FHIT: variants seen among roughly 807,000 people sequenced by gnomAD.
FHIT encodes the protein bis(5'-adenosyl)-triphosphatase.
Under a neutral mutation model 17.9 loss-of-function variants are expected in FHIT, and 19 were observed. The observed-to-expected ratio is 1.06, with a 90% CI of 0.74 to 1.56. FHIT has a LOEUF of 1.56. Among genes scored for constraint, FHIT ranks in the 40% most tolerant of loss-of-function variants. The pLI is 0.00. For missense variants in FHIT, 248 were observed against 189.2 expected, an observed-to-expected ratio of 1.31 and a Z score of -1.82; for synonymous variants, 81 against 69.7, an observed-to-expected ratio of 1.16 and a Z score of -0.81.
intron 4 of FHIT, among the ~76,000 whole-genome samples, chr3:60,720,978 G>A (rs1319514215): frequency 2.0e-5 from 3 of 152,174 alleles, no homozygotes; most frequent in African/African-American, 7.2e-5. Flanking sequence ...CTACTGTTGG[G>A]AGGAAGTATG....
At chr3:60,294,873 T>G (rs1708138252) in intron 5 of FHIT, among the ~76,000 whole-genome samples, 2 of 152,200 alleles carry the variant, frequency 1.3e-5, no homozygotes, top group African/African-American at 4.8e-5. Flanking sequence ...TTCATCTGAA[T>G]GCAGAATAGC....
chr3:59,880,741 G>A (rs190659224), intron 8 of FHIT, among the ~76,000 whole-genome samples: 23 of 152,316 alleles, frequency 1.5e-4, no homozygotes, highest in African/African-American at 4.6e-4. Context: ...GTTTTTATAA[G>A]AGCAAGAACA....
chr3:60,067,210 G>A (rs1250435126), intron 5 of FHIT, among the ~76,000 whole-genome samples: 1 of 152,058 alleles, frequency 6.6e-6, no homozygotes, highest in Non-Finnish European at 1.5e-5. Context: ...TTTATATTAG[G>A]GGAAATATCT....
chr3:60,088,194 C>T (rs1703581506), intron 5 of FHIT, among the ~76,000 whole-genome samples: 1 of 152,038 alleles, frequency 6.6e-6, no homozygotes, highest in Non-Finnish European at 1.5e-5. Context: ...ACTCATCCCC[C>T]AAAGGCAGGC....
intron 4 of FHIT, among the ~76,000 whole-genome samples, chr3:60,559,053 A>G (rs2036841576): frequency 6.6e-6 from 1 of 152,214 alleles, no homozygotes; most frequent in African/African-American, 2.4e-5. Context: ...AAATATCTAA[A>G]GACCGCATTT....
intron 2 of FHIT, among the ~76,000 whole-genome samples, chr3:61,177,140 G>T (rs2038182758): frequency 6.7e-6 from 1 of 150,086 alleles, no homozygotes; most frequent in Non-Finnish European, 1.5e-5. Flanking sequence ...TTGCACCCCT[G>T]CACTTCAGCC....
intron 8 of FHIT, among the ~76,000 whole-genome samples, chr3:59,903,401 T>C (rs1286835663): frequency 1.3e-5 from 2 of 152,304 alleles, no homozygotes; most frequent in East Asian, 3.9e-4. Context: ...AATCACTGAA[T>C]TGTACATTTT....
chr3:60,315,316 G>A (rs35536483), intron 5 of FHIT, among the ~76,000 whole-genome samples: 37,780 of 152,020 alleles, frequency 0.25, 5,602 homozygotes, highest in East Asian at 0.68. Context: ...ACAATAAAAT[G>A]GGCTAATCTT....
At chr3:60,425,132 G>A (rs1031156748) in intron 5 of FHIT, among the ~76,000 whole-genome samples, 14 of 151,988 alleles carry the variant, frequency 9.2e-5, no homozygotes, top group African/African-American at 3.4e-4. Flanking sequence ...ATCCCTATCA[G>A]GAACCCACTG....
At chr3:60,465,690 A>T (rs1379736985) in intron 5 of FHIT, among the ~76,000 whole-genome samples, 1 of 152,072 alleles carries the variant, frequency 6.6e-6, no homozygotes. Flanking sequence ...GTTGAAAATG[A>T]GTTTGCTGTA....
chr3:59,959,112 C>T (rs1327429149), intron 7 of FHIT, among the ~76,000 whole-genome samples: 1 of 152,184 alleles, frequency 6.6e-6, no homozygotes, highest in Non-Finnish European at 1.5e-5. Context: ...TGCAGGCCTC[C>T]TTGCACGTAT....
At position 59,945,204 on chromosome 3, in the gene FHIT, G is replaced by C. The variant is rs548030151; in HGVS notation, c.280-22790C>G. 7.9e-5 allele frequency among the ~76,000 whole-genome samples: 12 copies of C among 152,134 alleles called. 1 individual carries two copies. The South Asian group carries it at 2.5e-3, about 32-fold the overall frequency. On this transcript the variant is annotated intron_variant, in intron 7 of 9. Transcript: ENST00000492590. ...CTACCTGCTATTTTTTGACTTGTTA[G>C]TAATAGCCATTCTGAATGGTATGAG...
intron 4 of FHIT, among the ~76,000 whole-genome samples, chr3:60,559,183 G>A (rs896917919): frequency 5.9e-5 from 9 of 152,078 alleles, no homozygotes; most frequent in African/African-American, 1.9e-4. Flanking sequence ...AGCAAATTGT[G>A]TAAATCCACA....
At chr3:60,350,218 C>T (rs565864476) in intron 5 of FHIT, among the ~76,000 whole-genome samples, 1 of 152,224 alleles carries the variant, frequency 6.6e-6, no homozygotes, top group Non-Finnish European at 1.5e-5. Context: ...AACTCAGATG[C>T]CTGAAGAAGC....
At chr3:61,145,011 T>C (rs1474849830) in intron 2 of FHIT, among the ~76,000 whole-genome samples, 5 of 152,190 alleles carry the variant, frequency 3.3e-5, no homozygotes, top group African/African-American at 1.2e-4. Context: ...TTTGTGATGG[T>C]GTCATTTGAC....
intron 5 of FHIT, among the ~76,000 whole-genome samples, chr3:60,390,765 A>C (rs1167719072): frequency 6.6e-6 from 1 of 152,158 alleles, no homozygotes; most frequent in Non-Finnish European, 1.5e-5. Flanking sequence ...AAAAATAAAA[A>C]AATACACTAA....
At chr3:61,085,066 T>G (rs946386682) in intron 2 of FHIT, among the ~76,000 whole-genome samples, 13 of 152,192 alleles carry the variant, frequency 8.5e-5, no homozygotes, top group South Asian at 2.1e-4. Flanking sequence ...GATAGATACC[T>G]AGATTGCTTC....
chr3:60,611,164 C>T (rs2038773729), intron 4 of FHIT, among the ~76,000 whole-genome samples: 1 of 152,126 alleles, frequency 6.6e-6, no homozygotes, highest in African/African-American at 2.4e-5. Context: ...ATTTATTTAA[C>T]AAATGTTTAT....
chr3:60,668,875 T>C (rs2040444308), intron 4 of FHIT, among the ~76,000 whole-genome samples: 1 of 152,126 alleles, frequency 6.6e-6, no homozygotes, highest in Admixed American at 6.5e-5. Context: ...TTACTGTCTT[T>C]CAGCGCTCTC....
Sources: allele counts gnomAD v4.1 joint callset (sites outside exome capture counted in the v4.1 genomes callset), GRCh38; gene constraint gnomAD v4.1.1; transcripts MANE v1.5; gene names NCBI Gene and HGNC (gene_info 2026-07-23, HGNC 2026-07-21).